RPS6KA5: variants seen among roughly 807,000 people sequenced by gnomAD.
The protein encoded by RPS6KA5 is ribosomal protein S6 kinase alpha-5.
A neutral mutation model predicts 85.5 loss-of-function variants in RPS6KA5; 27 were observed. The ratio of observed to expected loss-of-function variants is 0.32; its 90% CI spans 0.23 to 0.44. The LOEUF is 0.44. Among genes scored for constraint, RPS6KA5 ranks in the 20% least tolerant of loss-of-function variants. The probability of loss-of-function intolerance (pLI) is 1.00; values close to 1 mark genes in which losing one functional copy is unlikely to be tolerated. For synonymous variants in RPS6KA5, 334 were observed against 348.2 expected (o/e 0.96, Z 0.46); for missense variants, 811 against 980.9 (o/e 0.83, Z 2.31).
At chr14:91,056,485 CATG>C (rs1284009315) in intron 1 of RPS6KA5, among the ~76,000 whole-genome samples, 2 of 152,148 alleles carry the variant, frequency 1.3e-5, no homozygotes, top group African/African-American at 4.8e-5. Context: ...CTATCAACAG[CATG>C]ATCTTTCCCA....
chr14:90,886,418 T>C (rs1223567155), intron 14 of RPS6KA5, among the ~76,000 whole-genome samples: 1 of 152,246 alleles, frequency 6.6e-6, no homozygotes, highest in African/African-American at 2.4e-5. Flanking sequence ...TTGCACCCGC[T>C]GGGGATTCAC....
At chr14:91,012,358 G>A (rs2041296089) in intron 1 of RPS6KA5, among the ~76,000 whole-genome samples, 1 of 152,056 alleles carries the variant, frequency 6.6e-6, no homozygotes, top group South Asian at 2.1e-4. Flanking sequence ...TTTTAAAACT[G>A]TTCCTATGTT....
In RPS6KA5 at chr14:90,857,794, A is replaced by G. The variant is rs1465349478; in HGVS notation, c.*14280T>C. The G allele has an allele frequency of 1.3e-5, 2 of 152,248 alleles. No homozygotes were observed. Among genetic ancestry groups the G allele is most frequent in the Non-Finnish European group, 2.9e-5 (2 of 68,046 alleles). 9.4% of individuals were successfully genotyped at this position (152,248 alleles called of 1,614,324 possible). A position where few individuals can be genotyped will look rare whatever the true frequency, so the allele number is the denominator to read the frequency against. On this transcript the variant is annotated 3_prime_UTR_variant, in exon 17 of 17. Transcript: ENST00000614987. ...CACAAGTCCGACTCGGCAACCATTT[A>G]GTAGCCTTTCTATAAAAACAGGCTG...
At chr14:91,006,788 C>A (rs943420138) in intron 1 of RPS6KA5, among the ~76,000 whole-genome samples, 1 of 152,070 alleles carries the variant, frequency 6.6e-6, no homozygotes, top group African/African-American at 2.4e-5. Context: ...AAGCTGGTCT[C>A]GAACTCCTGA....
chr14:91,018,711 C>G (rs2041610588), intron 1 of RPS6KA5, among the ~76,000 whole-genome samples: 1 of 152,146 alleles, frequency 6.6e-6, no homozygotes, highest in Non-Finnish European at 1.5e-5. Context: ...GAAGGCTGCA[C>G]AGTCAGCTTC....
intron 7 of RPS6KA5, among the ~76,000 whole-genome samples, chr14:90,913,453 C>T (rs1206665701): frequency 6.6e-6 from 1 of 152,040 alleles, no homozygotes; most frequent in Non-Finnish European, 1.5e-5. Flanking sequence ...ATAGATATTG[C>T]CAAAAATTGC....
chr14:90,897,016 G>A (rs553781621), intron 12 of RPS6KA5, among the ~76,000 whole-genome samples: 7 of 152,186 alleles, frequency 4.6e-5, no homozygotes, highest in African/African-American at 1.2e-4. Flanking sequence ...AGCCAGGTCC[G>A]CAACTTTTTT....
intron 7 of RPS6KA5, among the ~76,000 whole-genome samples, chr14:90,916,177 A>G (rs2036109460): frequency 6.6e-6 from 1 of 152,208 alleles, no homozygotes; most frequent in African/African-American, 2.4e-5. Context: ...ACTCTATACA[A>G]CTAAAGTTGT....
intron 1 of RPS6KA5, among the ~76,000 whole-genome samples, chr14:91,018,317 G>C (rs746368995): frequency 2.6e-5 from 4 of 152,186 alleles, no homozygotes; most frequent in Non-Finnish European, 5.9e-5. Context: ...GTTCTCTACT[G>C]TGATGGTTAA....
At chr14:91,018,764 C>A (rs2041612437) in intron 1 of RPS6KA5, among the ~76,000 whole-genome samples, 1 of 152,022 alleles carries the variant, frequency 6.6e-6, no homozygotes, top group Non-Finnish European at 1.5e-5. Flanking sequence ...CTACTACTGG[C>A]TTCTTTCTTC....
intron 1 of RPS6KA5, among the ~76,000 whole-genome samples, chr14:91,020,792 T>C (rs373265849): frequency 6.6e-6 from 1 of 152,118 alleles, no homozygotes; most frequent in Non-Finnish European, 1.5e-5. Context: ...TATTTTGTCA[T>C]GTCTCTTAGG....
intron 11 of RPS6KA5, 127 bp from the exon 12 acceptor site, chr14:90,899,549 G>A (rs1453850129): frequency 3.3e-6 from 2 of 605,232 alleles, no homozygotes; most frequent in Non-Finnish European, 5.8e-6. Flanking sequence ...ATACTGTAAT[G>A]AGGTTTCCAT....
chr14:90,947,413 C>A (rs2037929478), intron 4 of RPS6KA5, 22 bp downstream of exon 4: 6 of 1,356,700 alleles, frequency 4.4e-6, no homozygotes. Flanking sequence ...AGAAAAGAAA[C>A]CTGAAAAATG....
intron 4 of RPS6KA5, among the ~76,000 whole-genome samples, chr14:90,944,180 T>G (rs144300922): frequency 1.3e-5 from 2 of 152,366 alleles, no homozygotes; most frequent in African/African-American, 4.8e-5. Flanking sequence ...AGGTGCTTGA[T>G]CTGCATGAAT....
rs1372153727 is a variant in RPS6KA5, at chr14:90,870,190, A to G, written c.*1884T>C. 1.3e-5 allele frequency: 2 copies of G among 152,194 alleles called. No individual in the cohort carries two copies. Among genetic ancestry groups the G allele is most frequent in the Non-Finnish European group, 2.9e-5 (2 of 68,028 alleles). The allele number at this position is 152,194 out of a possible 1,614,324, so 9.4% of individuals were successfully genotyped here. On this transcript the variant is annotated 3_prime_UTR_variant, in exon 17 of 17. Transcript: ENST00000614987. ...TTTAAAAAATGGCTTGAAGAGCCAA[A>G]TATGTTCCCAATATGTCCAATATAA...
intron 1 of RPS6KA5, among the ~76,000 whole-genome samples, chr14:91,018,415 A>AG (rs748294719): frequency 1.3e-5 from 2 of 152,192 alleles, no homozygotes; most frequent in Non-Finnish European, 2.9e-5. Flanking sequence ...GTGTTGCCAG[A>AG]GGAGACTGAT....
intron 3 of RPS6KA5, among the ~76,000 whole-genome samples, chr14:90,947,952 T>C (rs2037959398): frequency 6.6e-6 from 1 of 152,202 alleles, no homozygotes; most frequent in South Asian, 2.1e-4. Context: ...ATCCTTTCAT[T>C]TGTAATAATT....
At position 90,864,675 on chromosome 14, in the gene RPS6KA5, A is replaced by T. The variant is rs2032725080; in HGVS notation, c.*7399T>A. 6.6e-6 allele frequency: 1 copy of T among 152,214 alleles called. No homozygotes were observed. Among genetic ancestry groups the T allele is most frequent in the South Asian group, 2.1e-4 (1 of 4,836 alleles). 9.4% of individuals were successfully genotyped at this position (152,214 alleles called of 1,614,324 possible). A position where few individuals can be genotyped will look rare whatever the true frequency, so the allele number is the denominator to read the frequency against. ...CCATAAAATATAAAAGACTCCTGCAAGTCAGTAAGAAAAAAAGACAACCCA... is the reference window on the plus strand; with the variant it reads ...CCATAAAATATAAAAGACTCCTGCATGTCAGTAAGAAAAAAAGACAACCCA... On this transcript the variant is annotated 3_prime_UTR_variant, in exon 17 of 17. Coordinates refer to ENST00000614987, the MANE Select transcript of RPS6KA5 (RefSeq NM_004755.4).
intron 1 of RPS6KA5, among the ~76,000 whole-genome samples, chr14:91,046,318 A>C (rs1274301944): frequency 2.0e-5 from 3 of 152,196 alleles, no homozygotes; most frequent in Admixed American, 6.5e-5. Flanking sequence ...CTTATACAAG[A>C]CAAAATTAGG....
Sources: gnomAD v4.1 joint callset for allele counts (sites outside exome capture counted in the v4.1 genomes callset) on GRCh38, gnomAD v4.1.1 for gene constraint, MANE v1.5 for transcripts, NCBI Gene and HGNC (gene_info 2026-07-23, HGNC 2026-07-21) for gene names.